PRKN: variants seen among roughly 807,000 people sequenced by gnomAD.
PRKN encodes the protein E3 ubiquitin-protein ligase parkin.
A neutral mutation model predicts 59.5 loss-of-function variants in PRKN; 56 were observed. That is an observed-to-expected ratio of 0.94 (90% CI 0.76 to 1.18). The LOEUF is 1.18. Among genes scored for constraint, PRKN ranks in the 50% most tolerant of loss-of-function variants. The pLI is 0.00. For synonymous variants in PRKN, 250 were observed against 222.1 expected, an observed-to-expected ratio of 1.13 and a Z score of -1.12; for missense variants, 657 against 596.4, an observed-to-expected ratio of 1.10 and a Z score of -1.06.
chr6:161,356,550 G>C lies in PRKN; in HGVS notation c.1285+3538C>G, dbSNP rs949182193. On this transcript the variant is annotated intron_variant, in intron 11 of 11. Coordinates refer to ENST00000366898, the MANE Select transcript of PRKN (RefSeq NM_004562.3). This position sits in a 1 kb window ranked among gnomAD's most constrained non-coding sequence, Gnocchi z 7.8. Reference sequence around the variant, plus strand: ...GAAGCTGTGCTTGGAAGAGGAGGCGGGCAAGCAGGGCACTGGCTGGGGACG... The same window carrying C: ...GAAGCTGTGCTTGGAAGAGGAGGCGCGCAAGCAGGGCACTGGCTGGGGACG... Among the ~76,000 whole-genome samples, 2 of 152,168 alleles carry C rather than the reference G, an allele frequency of 1.3e-5. No homozygotes were observed. The highest frequency in any genetic ancestry group is 2.9e-5 in the Non-Finnish European group (2 of 68,046).
At chr6:162,437,367 A>G (rs991308692) in intron 2 of PRKN, among the ~76,000 whole-genome samples, 18 of 152,128 alleles carry the variant, frequency 1.2e-4, no homozygotes, top group African/African-American at 4.3e-4. Flanking sequence ...TTTTAAATTC[A>G]ACTTTATATT....
intron 6 of PRKN, among the ~76,000 whole-genome samples, chr6:161,840,284 T>C (rs1037243402): frequency 1.3e-5 from 2 of 152,308 alleles, no homozygotes; most frequent in African/African-American, 4.8e-5. Context: ...AGGCAGGCTG[T>C]TGTGGGGCCC....
chr6:161,674,942 T>G (rs1239555406), intron 7 of PRKN, among the ~76,000 whole-genome samples: 1 of 152,162 alleles, frequency 6.6e-6, no homozygotes, highest in African/African-American at 2.4e-5. Context: ...CTCTTGACAG[T>G]CACCGTATTT....
chr6:162,553,424 G>T (rs76088770), intron 1 of PRKN, among the ~76,000 whole-genome samples: 5 of 80,516 alleles, frequency 6.2e-5, no homozygotes, highest in Non-Finnish European at 1.6e-4. Context: ...ATAGATATAG[G>T]GGGGGTGCTG....
intron 1 of PRKN, among the ~76,000 whole-genome samples, chr6:162,533,465 T>A (rs935292084): frequency 6.6e-6 from 1 of 151,900 alleles, no homozygotes; most frequent in Non-Finnish European, 1.5e-5. Flanking sequence ...GAGGTGGAGG[T>A]TGCAGTGAGC....
chr6:162,343,725 G>A (rs1784284309), intron 2 of PRKN, among the ~76,000 whole-genome samples: 1 of 152,118 alleles, frequency 6.6e-6, no homozygotes. Flanking sequence ...GTGCAAGCAT[G>A]CTCACAAGTG....
At chr6:162,246,176 A>G (rs1779184182) in intron 3 of PRKN, among the ~76,000 whole-genome samples, 1 of 152,038 alleles carries the variant, frequency 6.6e-6, no homozygotes, top group African/African-American at 2.4e-5. Flanking sequence ...AACCCCCAGC[A>G]CCTCCTAATC....
intron 2 of PRKN, among the ~76,000 whole-genome samples, chr6:162,302,389 A>T (rs1391227124): frequency 1.3e-5 from 2 of 152,244 alleles, no homozygotes; most frequent in East Asian, 1.9e-4. Context: ...AACCTAATCA[A>T]GTTACCCCTT....
intron 7 of PRKN, among the ~76,000 whole-genome samples, chr6:161,604,517 C>T (rs1029615480): frequency 1.3e-5 from 2 of 152,276 alleles, no homozygotes; most frequent in African/African-American, 4.8e-5. Context: ...GAATCGAAGT[C>T]AAATGGAGTT....
rs540228852 is a variant in PRKN at position 161,378,601 on chromosome 6, G to C, written c.1167+8193C>G. The stretch of plus-strand genomic sequence containing the variant: ...CAGCCAGCACTAGCATCTGCAGGCT[G>C]CCGGCACCCTGCATGGCACTGCATT... On this transcript the variant is annotated intron_variant, in intron 10 of 11. Transcript: ENST00000366898. This position sits in a 1 kb window ranked among gnomAD's most constrained non-coding sequence, Gnocchi z 7.3. 6.6e-6 allele frequency among the ~76,000 whole-genome samples: 1 copy of C among 152,206 alleles called. No individual in the cohort carries two copies. Among genetic ancestry groups the C allele is most frequent in the Non-Finnish European group, 1.5e-5 (1 of 68,028 alleles).
rs1414768862 is a variant in PRKN at position 161,354,488 on chromosome 6, GCA to G, written c.1286-4279_1286-4278del. 6.6e-6 allele frequency among the ~76,000 whole-genome samples: 1 copy of G among 152,178 alleles called. No individual in the cohort carries two copies. Among genetic ancestry groups the G allele is most frequent in the Non-Finnish European group, 1.5e-5 (1 of 68,038 alleles). On this transcript the variant is annotated intron_variant, in intron 11 of 11. Transcript: ENST00000366898. The surrounding 1 kb of genome is among the most constrained non-coding windows in gnomAD (Gnocchi z 6.7). ...AACCTGAAGGCACATTTGAGGAGAA[GCA>G]CACACTCAGTCAGGGAATGGAGCCA... is the stretch of plus-strand genomic sequence containing the variant.
chr6:161,921,017 A>G (rs1778766636), intron 6 of PRKN, among the ~76,000 whole-genome samples: 1 of 152,152 alleles, frequency 6.6e-6, no homozygotes, highest in Non-Finnish European at 1.5e-5. Flanking sequence ...TTCTGACTTT[A>G]TACACTTCTT....
chr6:162,211,638 A>C (rs1785201257), intron 3 of PRKN, among the ~76,000 whole-genome samples: 1 of 152,162 alleles, frequency 6.6e-6, no homozygotes, highest in Non-Finnish European at 1.5e-5. Context: ...AAACTCCCAC[A>C]TTCTTTGTTC....
Position 161,496,553 on chromosome 6 carries a change from C to T in PRKN, c.1083+52301G>A, listed in dbSNP as rs561883972. 3.3e-5 allele frequency among the ~76,000 whole-genome samples: 5 copies of T among 152,330 alleles called. No individual in the cohort carries two copies. In the South Asian group the frequency reaches 1.0e-3, roughly 32 times the overall value. ...AGAGAGCATGTGCAGGGGACCTCCC[C>T]TTTATAAAACCATCAGATCTTGTGA... On this transcript the variant is annotated intron_variant, in intron 9 of 11. Coordinates refer to ENST00000366898, the MANE Select transcript of PRKN (RefSeq NM_004562.3).
chr6:161,988,946 C>T (rs1789986), intron 5 of PRKN, among the ~76,000 whole-genome samples: 81,240 of 151,794 alleles, frequency 0.54, 21,979 homozygotes, highest in Middle Eastern at 0.6. Flanking sequence ...TGAGCTTTAT[C>T]TTTTTTTTAT....
At chr6:162,176,563 A>C (rs1346013561) in intron 4 of PRKN, among the ~76,000 whole-genome samples, 1 of 151,478 alleles carries the variant, frequency 6.6e-6, no homozygotes, top group Non-Finnish European at 1.5e-5. Context: ...ACCACATATG[A>C]AAGGAAATTT....
intron 7 of PRKN, among the ~76,000 whole-genome samples, chr6:161,643,431 T>C (rs931123000): frequency 1.3e-5 from 2 of 152,192 alleles, no homozygotes; most frequent in African/African-American, 4.8e-5. Flanking sequence ...TCTATATACA[T>C]TGCTAGGAGA....
intron 3 of PRKN, among the ~76,000 whole-genome samples, chr6:162,238,322 C>T (rs940581271): frequency 6.6e-6 from 1 of 152,150 alleles, no homozygotes; most frequent in African/African-American, 2.4e-5. Flanking sequence ...CACCGTACAG[C>T]CCAGGTGTGC....
intron 7 of PRKN, among the ~76,000 whole-genome samples, chr6:161,766,625 A>G (rs944058560): frequency 2.6e-5 from 4 of 152,212 alleles, no homozygotes; most frequent in South Asian, 2.1e-4. Context: ...CACAGAACAC[A>G]GTTTGATAAA....
Sources: gnomAD v4.1 joint callset for allele counts (sites outside exome capture counted in the v4.1 genomes callset) on GRCh38, gnomAD v4.1.1 for gene constraint, Gnocchi (gnomAD v3.1) non-coding constraint, MANE v1.5 for transcripts, NCBI Gene and HGNC (gene_info 2026-07-23, HGNC 2026-07-21) for gene names.